The following CEP192 variants were observed in gnomAD, a reference collection of about 807,000 sequenced individuals.
The protein encoded by CEP192 is centrosomal protein 192.
In CEP192, 151 loss-of-function variants were observed where a neutral mutation model predicts 271.8. That is an observed-to-expected ratio of 0.56 (90% CI 0.49 to 0.64). The LOEUF (loss-of-function observed/expected upper bound fraction) is 0.64. CEP192 is among the 30% of genes least tolerant of loss of function. CEP192 has a pLI of 0.00. For missense variants in CEP192, 2,910 were observed against 3,020.5 expected (o/e 0.96, Z 0.86); for synonymous variants, 995 against 1,076.5 (o/e 0.92, Z 1.48).
intron 15 of CEP192, among the ~76,000 whole-genome samples, chr18:13,047,230 T>C (rs1376189071): frequency 6.6e-6 from 1 of 152,182 alleles, no homozygotes; most frequent in East Asian, 1.9e-4. Flanking sequence ...ATTGAGCTGA[T>C]TGGAGCTGAG....
chr18:13,024,427 CT>C (rs2035173644), intron 9 of CEP192: 2 of 419,086 alleles, frequency 4.8e-6, no homozygotes, highest in Non-Finnish European at 9.5e-6. Flanking sequence ...TGATTCTCCT[CT>C]GAAAATCTCT....
Position 13,038,597 on chromosome 18 carries a change from T to C in CEP192, c.1809+18T>C. ...TGAAAAGAGTAAGTATGGAATCTGT[T>C]GGAAGTGCTCACAGTCACCAGATTT... On this transcript the variant is annotated intron_variant, in intron 13 of 44. Transcript: ENST00000506447. 1.3e-6 allele frequency: 2 copies of C among 1,528,474 alleles called. No individual in the cohort carries two copies. The highest frequency in any genetic ancestry group is 1.8e-6 in the Non-Finnish European group (2 of 1,126,288). 94.7% of individuals were successfully genotyped at this position (1,528,474 alleles called of 1,614,324 possible). A position where few individuals can be genotyped will look rare whatever the true frequency, so the allele number is the denominator to read the frequency against.
intron 30 of CEP192, among the ~76,000 whole-genome samples, chr18:13,078,611 T>C (rs1259633719): frequency 6.6e-6 from 1 of 152,170 alleles, no homozygotes; most frequent in Non-Finnish European, 1.5e-5. Context: ...CCTGACTTTT[T>C]AATGATCGCC....
Position 13,092,486 on chromosome 18 carries a change from A to G in CEP192, c.6213A>G (p.Glu2071=). ...GEFRDCISSR[E]FLQPSSKASL... is the part of the protein sequence containing the mutation. ...TCAGAGATTGCATTTCTAGCAGAGA[A>G]TTCCTTCAGCCTTCTTCCAAAGCTA... Residue 2071 remains glutamate (E), a synonymous_variant, in exon 34 of 45, where the codon GAA becomes GAG. Transcript: ENST00000506447. 6.2e-7 allele frequency: 1 copy of G among 1,610,050 alleles called. No homozygotes were observed. The highest frequency in any genetic ancestry group is 8.5e-7 in the Non-Finnish European group (1 of 1,178,152).
intron 18 of CEP192, among the ~76,000 whole-genome samples, chr18:13,054,524 T>C (rs1298216196): frequency 6.6e-6 from 1 of 152,184 alleles, no homozygotes; most frequent in East Asian, 1.9e-4. Flanking sequence ...TGAGTCTGCA[T>C]GTTCTTAGCA....
chr18:13,112,834 A>G (rs1479733937), intron 40 of CEP192, among the ~76,000 whole-genome samples: 1 of 152,254 alleles, frequency 6.6e-6, no homozygotes, highest in Admixed American at 6.5e-5. Context: ...GTTTAAGTCC[A>G]GACTCAGGAA....
chr18:13,037,399 T>G (rs900907417), intron 12 of CEP192, 98 bp downstream of exon 12: 2 of 545,192 alleles, frequency 3.7e-6, no homozygotes, highest in African/African-American at 3.9e-5. Flanking sequence ...ATGGTTAGTA[T>G]AGAATTATTT....
At chr18:13,026,294 T>G (rs2035296949) in intron 9 of CEP192, among the ~76,000 whole-genome samples, 1 of 152,218 alleles carries the variant, frequency 6.6e-6, no homozygotes. Flanking sequence ...TTTCTTTATC[T>G]TTGATTTTCT....
Position 13,100,414 on chromosome 18 carries a change from G to A in CEP192, c.6773G>A (p.Ser2258Asn). The A allele has an allele frequency of 6.2e-7, 1 of 1,614,018 alleles. No homozygotes were observed. The highest frequency in any genetic ancestry group is 8.5e-7 in the Non-Finnish European group (1 of 1,179,908). ...ILSPVSEPSV[S>N]HLVKPMTKPP... ...TCCCCAGTATCTGAGCCTTCAGTTA[G>A]TCATTTGGTCAAACCAATGACAAAA... Residue 2258 changes from serine (S) to asparagine (N), a missense_variant, in exon 38 of 45, where the codon AGT (serine) becomes AAT (asparagine). Coordinates refer to ENST00000506447, the MANE Select transcript of CEP192 (RefSeq NM_032142.4).
intron 30 of CEP192, among the ~76,000 whole-genome samples, chr18:13,076,498 G>A (rs1223078364): frequency 6.6e-6 from 1 of 152,160 alleles, no homozygotes; most frequent in African/African-American, 2.4e-5. Flanking sequence ...TTACAGGCGT[G>A]AGCCACGCAC....
chr18:13,069,393 T>A (rs1175745797), intron 26 of CEP192, among the ~76,000 whole-genome samples: 1 of 152,210 alleles, frequency 6.6e-6, no homozygotes, highest in Non-Finnish European at 1.5e-5. Context: ...GTCTTGAATA[T>A]GAGAACCAAG....
intron 11 of CEP192, among the ~76,000 whole-genome samples, chr18:13,032,570 A>G (rs1050943201): frequency 2.6e-4 from 39 of 152,154 alleles, no homozygotes; most frequent in African/African-American, 8.5e-4. Flanking sequence ...CATTTTGGAA[A>G]CCTGTTTGGC....
At chr18:13,011,876 A>G (rs967704423) in intron 4 of CEP192, among the ~76,000 whole-genome samples, 3 of 152,266 alleles carry the variant, frequency 2.0e-5, no homozygotes, top group African/African-American at 7.2e-5. Flanking sequence ...TACTCACAAC[A>G]GCCAAAAAGT....
chr18:13,041,562 T>A (rs1255803034), intron 14 of CEP192, among the ~76,000 whole-genome samples: 1 of 149,496 alleles, frequency 6.7e-6, no homozygotes, highest in Non-Finnish European at 1.5e-5. Flanking sequence ...TTTTCTTCTC[T>A]TTTTTTTTGA....
At chr18:13,090,505 T>A (rs577142149) in intron 33 of CEP192, among the ~76,000 whole-genome samples, 46 of 152,276 alleles carry the variant, frequency 3.0e-4, no homozygotes, top group Admixed American at 4.6e-4. Flanking sequence ...TTTTTAGTGA[T>A]GGAATGTATT....
chr18:13,088,993 GA>G (rs1250477618), intron 32 of CEP192: 3 of 377,112 alleles, frequency 8.0e-6, no homozygotes, highest in East Asian at 1.5e-4. Context: ...ACAGTAGTGA[GA>G]TTTTTTTTGT....
chr18:13,038,380 T>A lies in CEP192; in HGVS notation c.1610T>A (p.Ile537Lys). ...TAACTTTCTCCCTAGGAAGAAAACA[T>A]AGATGCTCATAATACTTCGGTTGCA... ...KEHQFIQEEN[I>K]DAHNTSVALG... Residue 537 changes from isoleucine (I) to lysine (K), a missense_variant, in exon 13 of 45, where the codon ATA (isoleucine) becomes AAA (lysine). Coordinates refer to ENST00000506447, the MANE Select transcript of CEP192 (RefSeq NM_032142.4). The A allele has an allele frequency of 6.4e-7, 1 of 1,551,270 alleles. No homozygotes were observed. The highest frequency in any genetic ancestry group is 1.2e-5 in the South Asian group (1 of 84,046).
Position 12,996,191 on chromosome 18 carries a change from GA to G in CEP192, c.-4-3229del, listed in dbSNP as rs1369192483. On this transcript the variant is annotated intron_variant, in intron 1 of 44. Coordinates refer to ENST00000506447, the MANE Select transcript of CEP192 (RefSeq NM_032142.4). ...TCCAGGCAGGAAGTGGTGGTGGCCTGACCAAGGTCATAGCAGGGTTGGGGGG... is the reference window on the plus strand; with the variant it reads ...TCCAGGCAGGAAGTGGTGGTGGCCTGCCAAGGTCATAGCAGGGTTGGGGGG... Among the ~76,000 whole-genome samples the G allele has an allele frequency of 6.0e-5, 9 of 150,352 alleles. No individual in the cohort carries two copies. The South Asian group carries it at 1.7e-3, about 29-fold the overall frequency.
At chr18:13,015,254 C>T (rs2034576480) in intron 5 of CEP192, 74 bp from the exon 6 acceptor site, 1 of 1,403,050 alleles carries the variant, frequency 7.1e-7, no homozygotes, top group South Asian at 1.4e-5. Context: ...ATATTTGGTC[C>T]TTTTTGTAGC....
Sources: gnomAD v4.1 joint callset for allele counts (sites outside exome capture counted in the v4.1 genomes callset) on GRCh38, gnomAD v4.1.1 for gene constraint, MANE v1.5 for transcripts, NCBI Gene and HGNC (gene_info 2026-07-23, HGNC 2026-07-21) for gene names.